The following DNAH14 variants were observed in gnomAD, a reference collection of about 807,000 sequenced individuals.
DNAH14 encodes the protein axonemal beta dynein heavy chain 14.
DNAH14 carries 478 observed loss-of-function variants against 520.9 expected under a neutral mutation model. The observed-to-expected ratio is 0.92, with a 90% confidence interval of 0.85 to 0.99. The LOEUF (loss-of-function observed/expected upper bound fraction) is 0.99, where lower values mean the gene tolerates loss of function less well. Among genes scored for constraint, DNAH14 ranks in the 50% least tolerant of loss-of-function variants. DNAH14 has a pLI of 0.00. For synonymous variants in DNAH14, 1,581 were observed against 1,757.2 expected (o/e 0.90, Z 2.51); for missense variants, 4,831 against 5,234.5 (o/e 0.92, Z 2.38).
At chr1:225,171,530 A>T (rs947321361) in intron 36 of DNAH14, among the ~76,000 whole-genome samples, 1 of 152,128 alleles carries the variant, frequency 6.6e-6, no homozygotes, top group Non-Finnish European at 1.5e-5. Flanking sequence ...AAGAAATGGA[A>T]AAATTTCTCG....
intron 43 of DNAH14, among the ~76,000 whole-genome samples, chr1:225,248,927 C>G (rs1455956680): frequency 2.0e-5 from 3 of 152,192 alleles, no homozygotes; most frequent in African/African-American, 7.2e-5. Flanking sequence ...TGATAAGGTC[C>G]TGGTACAACT....
chr1:225,183,943 C>CAA (rs936505308), intron 36 of DNAH14, among the ~76,000 whole-genome samples: 1 of 150,334 alleles, frequency 6.7e-6, no homozygotes, highest in Admixed American at 6.6e-5. Context: ...ACCTACCAAA[C>CAA]AAAAAAAAAC....
intron 46 of DNAH14, among the ~76,000 whole-genome samples, chr1:225,260,906 G>A (rs1172990246): frequency 1.3e-5 from 2 of 151,978 alleles, no homozygotes; most frequent in Non-Finnish European, 2.9e-5. Context: ...TTTTTTAACA[G>A]TATTGTAAAT....
Position 225,144,501 on chromosome 1 carries a change from T to G in DNAH14, c.4613T>G (p.Leu1538Trp), listed in dbSNP as rs956295446. ...GAGTACTTGGGCTGTACCTCAAGAT[T>G]GGTTATTACGCCTCTCACAGACCGA... The part of the protein sequence containing the change: ...GYEYLGCTSR[L>W]VITPLTDRCW... Residue 1538 changes from leucine (L) to tryptophan (W), a missense_variant, in exon 29 of 86, where the codon TTG (leucine) becomes TGG (tryptophan). By Grantham distance (61) the Leu-to-Trp change is moderately conservative. Coordinates refer to ENST00000682510, the MANE Select transcript of DNAH14 (RefSeq NM_001367479.1). 2.6e-6 allele frequency: 4 copies of G among 1,551,474 alleles called. No individual in the cohort carries two copies. The highest frequency in any genetic ancestry group is 2.0e-5 in the Admixed American group (1 of 50,942).
At chr1:225,193,055 G>A in intron 38 of DNAH14, 144 bp downstream of exon 38, 1 of 635,222 alleles carries the variant, frequency 1.6e-6, no homozygotes. Flanking sequence ...TTTAAAAAGA[G>A]AAAAATTATG....
At chr1:225,341,349 C>T (rs1006019473) in intron 69 of DNAH14, among the ~76,000 whole-genome samples, 2 of 152,160 alleles carry the variant, frequency 1.3e-5, no homozygotes, top group African/African-American at 2.4e-5. Flanking sequence ...TGGCCGGGCA[C>T]GGTGGCTCAC....
At chr1:224,959,883 C>T (rs1475066412) in intron 3 of DNAH14, among the ~76,000 whole-genome samples, 1 of 152,152 alleles carries the variant, frequency 6.6e-6, no homozygotes, top group Non-Finnish European at 1.5e-5. Flanking sequence ...ATTCTTGTAA[C>T]AACCTATGAG....
chr1:225,048,408 A>G (rs1291365391), intron 15 of DNAH14, among the ~76,000 whole-genome samples: 2 of 152,182 alleles, frequency 1.3e-5, no homozygotes, highest in African/African-American at 4.8e-5. Context: ...AGGCTGAGGC[A>G]GGAGGACGGC....
intron 38 of DNAH14, 43 bp from the exon 39 acceptor site, chr1:225,204,140 G>T: frequency 9.7e-7 from 1 of 1,036,034 alleles, no homozygotes; most frequent in South Asian, 1.9e-5. Flanking sequence ...GTTGAAAAGT[G>T]TTATTAAATA....
At chr1:224,999,719 A>G (rs963764975) in intron 8 of DNAH14, among the ~76,000 whole-genome samples, 4 of 152,030 alleles carry the variant, frequency 2.6e-5, no homozygotes, top group African/African-American at 9.6e-5. Context: ...GTATTTTTCA[A>G]TATGTCTCTT....
chr1:225,100,934 T>G (rs1485696607), intron 23 of DNAH14, 50 bp downstream of exon 23: 52 of 1,373,358 alleles, frequency 3.8e-5, no homozygotes, highest in Non-Finnish European at 4.9e-5. Flanking sequence ...AAAAGTAAAG[T>G]AAAAGTGATA....
At chr1:225,270,663 A>T in intron 49 of DNAH14, 72 bp from the exon 50 acceptor site, 1 of 1,301,048 alleles carries the variant, frequency 7.7e-7, no homozygotes, top group Non-Finnish European at 1.0e-6. Context: ...CCAATTTGGG[A>T]CAGAGACGTA....
intron 3 of DNAH14, among the ~76,000 whole-genome samples, chr1:224,958,198 G>A (rs1311786607): frequency 2.0e-5 from 3 of 152,054 alleles, no homozygotes; most frequent in Admixed American, 2.0e-4. Context: ...AGACTGAAAG[G>A]TAAAGGTTTA....
intron 8 of DNAH14, among the ~76,000 whole-genome samples, chr1:224,979,152 A>T (rs918119206): frequency 2.0e-5 from 3 of 152,178 alleles, no homozygotes; most frequent in African/African-American, 7.2e-5. Context: ...TCATAAAAAA[A>T]GCATCTTCAT....
intron 17 of DNAH14, among the ~76,000 whole-genome samples, chr1:225,057,706 A>G (rs1258547601): frequency 2.6e-5 from 4 of 152,230 alleles, no homozygotes; most frequent in Admixed American, 2.0e-4. Flanking sequence ...ATGTCCCATC[A>G]ATACCTAATT....
At chr1:225,249,431 A>G (rs566676099) in intron 43 of DNAH14, among the ~76,000 whole-genome samples, 26 of 152,272 alleles carry the variant, frequency 1.7e-4, no homozygotes, top group Middle Eastern at 3.4e-3. Context: ...ATCCTCATTT[A>G]TTTGGGATGG....
chr1:225,057,959 A>T (rs1558815216), intron 17 of DNAH14, among the ~76,000 whole-genome samples: 1 of 152,044 alleles, frequency 6.6e-6, no homozygotes, highest in Admixed American at 6.5e-5. Context: ...TTTTGCATTG[A>T]TGTTCATCAG....
At chr1:225,040,012 A>G (rs1316149352) in intron 12 of DNAH14, among the ~76,000 whole-genome samples, 1 of 129,114 alleles carries the variant, frequency 7.7e-6, no homozygotes, top group Non-Finnish European at 1.6e-5. Context: ...ATCTCGACTC[A>G]CTGCAAGCTC....
At chr1:225,050,790 C>T (rs901404211) in intron 16 of DNAH14, among the ~76,000 whole-genome samples, 1 of 152,186 alleles carries the variant, frequency 6.6e-6, no homozygotes, top group African/African-American at 2.4e-5. Flanking sequence ...ACCAGTGGCC[C>T]TTAACCCTTT....
Sources: gnomAD v4.1 joint callset for allele counts (sites outside exome capture counted in the v4.1 genomes callset) on GRCh38, gnomAD v4.1.1 for gene constraint, MANE v1.5 for transcripts, NCBI Gene and HGNC (gene_info 2026-07-23, HGNC 2026-07-21) for gene names.